PLCXD3: variants seen among roughly 807,000 people sequenced by gnomAD.
The protein encoded by PLCXD3 is PI-PLC X domain-containing protein 3.
Under a neutral mutation model 25.5 loss-of-function variants are expected in PLCXD3, and 19 were observed. The ratio of observed to expected loss-of-function variants is 0.75; its 90% CI spans 0.52 to 1.09. The LOEUF is 1.09. Ranked by LOEUF, PLCXD3 falls within the 50% of genes least tolerant of loss-of-function variation. The pLI, the probability that PLCXD3 is intolerant of heterozygous loss-of-function variation, is 0.00. For synonymous variants in PLCXD3, 174 were observed against 137.6 expected (o/e 1.26, Z -1.85); for missense variants, 411 against 388.1 (o/e 1.06, Z -0.50).
At chr5:41,446,393 A>G (rs373813636) in intron 1 of PLCXD3, among the ~76,000 whole-genome samples, 1 of 152,014 alleles carries the variant, frequency 6.6e-6, no homozygotes, top group South Asian at 2.1e-4. Flanking sequence ...CATGGCTTCA[A>G]TCCAGCTGGC....
intron 1 of PLCXD3, among the ~76,000 whole-genome samples, chr5:41,495,982 G>C (rs1014137076): frequency 2.0e-5 from 3 of 151,866 alleles, no homozygotes; most frequent in African/African-American, 7.3e-5. Flanking sequence ...ATTAGTTCAG[G>C]ACAACAATAT....
At chr5:41,433,093 A>G (rs1747156375) in intron 1 of PLCXD3, among the ~76,000 whole-genome samples, 1 of 152,154 alleles carries the variant, frequency 6.6e-6, no homozygotes, top group South Asian at 2.1e-4. Context: ...TCTCCACCAC[A>G]TGGCAGAGGA....
intron 1 of PLCXD3, among the ~76,000 whole-genome samples, chr5:41,403,401 G>GTTTGTTTGTTT (rs1554047951): frequency 2.2e-4 from 4 of 18,412 alleles, no homozygotes; most frequent in Non-Finnish European, 5.6e-4. Flanking sequence ...CTTATTTGTT[G>GTTTGTTTGTTT]TTTTTTTTTT....
chr5:41,456,471 T>C (rs1305584438), intron 1 of PLCXD3: 3 of 707,802 alleles, frequency 4.2e-6, no homozygotes, highest in Non-Finnish European at 5.2e-6. Context: ...AAAATATTTA[T>C]AAGGATAAAT....
At chr5:41,455,983 G>A (rs1385223897) in intron 1 of PLCXD3, among the ~76,000 whole-genome samples, 3 of 151,874 alleles carry the variant, frequency 2.0e-5, no homozygotes, top group African/African-American at 4.8e-5. Context: ...AAAATACAAG[G>A]TGTTACTACT....
chr5:41,473,794 C>T (rs372849741), intron 1 of PLCXD3, among the ~76,000 whole-genome samples: 11 of 152,236 alleles, frequency 7.2e-5, no homozygotes, highest in Middle Eastern at 3.4e-3. Flanking sequence ...CATTTTCAAG[C>T]GTCCTCAGTA....
Position 41,313,765 on chromosome 5 carries a change from A to G in PLCXD3, c.818T>C (p.Leu273Pro). 8 of 1,578,704 alleles carry G rather than the reference A, an allele frequency of 5.1e-6. No homozygotes were observed. The highest frequency in any genetic ancestry group is 6.9e-6 in the Non-Finnish European group (8 of 1,164,782). The change falls in exon 3 of 3, where the codon CTT becomes CCT. Residue 273 changes from leucine (L) to proline (P), a missense_variant. Transcript: ENST00000377801. ...GCGGACCCACTGCATCATGGCAGGA[A>G]GAGCTCTGAGAAAGGAAACAAAAAG... ...GLRETITERALPAMMQWVRTQ... is the reference protein window; with the variant it reads ...GLRETITERAPPAMMQWVRTQ...
chr5:41,489,898 C>A (rs960335009), intron 1 of PLCXD3, among the ~76,000 whole-genome samples: 6 of 151,852 alleles, frequency 4.0e-5, no homozygotes, highest in Admixed American at 2.0e-4. Flanking sequence ...AATTTGACTT[C>A]CTCTTTTCCT....
At chr5:41,349,369 A>G (rs1744389224) in intron 2 of PLCXD3, among the ~76,000 whole-genome samples, 1 of 152,208 alleles carries the variant, frequency 6.6e-6, no homozygotes. Flanking sequence ...GCTCCTATGG[A>G]GGACTGCTAC....
chr5:41,347,600 A>G (rs1195714721), intron 2 of PLCXD3, among the ~76,000 whole-genome samples: 1 of 152,214 alleles, frequency 6.6e-6, no homozygotes, highest in African/African-American at 2.4e-5. Context: ...TGTAGATACT[A>G]GTTACCAACC....
chr5:41,461,853 G>T (rs1473952574), intron 1 of PLCXD3, among the ~76,000 whole-genome samples: 1 of 151,962 alleles, frequency 6.6e-6, no homozygotes. Context: ...ATTAGAAATT[G>T]AGTTGTGATA....
intron 1 of PLCXD3, among the ~76,000 whole-genome samples, chr5:41,417,011 G>A (rs1400232093): frequency 6.6e-6 from 1 of 152,080 alleles, no homozygotes; most frequent in Non-Finnish European, 1.5e-5. Flanking sequence ...AACAATGGTG[G>A]GGACATTTAA....
At position 41,460,218 on chromosome 5, in the gene PLCXD3, C is replaced by G. The variant is rs937077288; in HGVS notation, c.103+50206G>C. On this transcript the variant is annotated intron_variant, in intron 1 of 2. Transcript: ENST00000377801. ...AGGCAGGAAATGTTCATTCCTAGCACTCCAGTGTCTATCATATTGGTGACT... is the reference window on the plus strand; with the variant it reads ...AGGCAGGAAATGTTCATTCCTAGCAGTCCAGTGTCTATCATATTGGTGACT... 2.0e-5 allele frequency among the ~76,000 whole-genome samples: 3 copies of G among 151,886 alleles called. No homozygotes were observed. In the South Asian group the frequency reaches 6.2e-4, roughly 31 times the overall value.
chr5:41,326,215 T>C (rs1335202536), intron 2 of PLCXD3, among the ~76,000 whole-genome samples: 1 of 152,174 alleles, frequency 6.6e-6, no homozygotes, highest in African/African-American at 2.4e-5. Flanking sequence ...GTATTGTGCA[T>C]CAGTGGTGCT....
intron 2 of PLCXD3, among the ~76,000 whole-genome samples, chr5:41,352,173 A>G (rs1201874011): frequency 1.3e-5 from 2 of 152,204 alleles, no homozygotes; most frequent in African/African-American, 2.4e-5. Context: ...AGAAGACACC[A>G]TCATCTGACT....
chr5:41,487,784 A>G (rs956075405), intron 1 of PLCXD3, among the ~76,000 whole-genome samples: 1 of 152,046 alleles, frequency 6.6e-6, no homozygotes, highest in Non-Finnish European at 1.5e-5. Context: ...CCTGGAGGGT[A>G]TGAGGGCAAG....
intron 1 of PLCXD3, among the ~76,000 whole-genome samples, chr5:41,456,138 T>C (rs565418488): frequency 6.6e-6 from 1 of 151,830 alleles, no homozygotes; most frequent in South Asian, 2.1e-4. Flanking sequence ...TTAAATGAGA[T>C]AGTCAGAGTA....
chr5:41,499,969 A>G (rs1390226403), intron 1 of PLCXD3, among the ~76,000 whole-genome samples: 4 of 151,788 alleles, frequency 2.6e-5, no homozygotes, highest in Admixed American at 1.3e-4. Flanking sequence ...CTTATGACAT[A>G]TGTATGTAAA....
intron 1 of PLCXD3, among the ~76,000 whole-genome samples, chr5:41,459,367 A>C (rs1348666457): frequency 6.6e-6 from 1 of 151,880 alleles, no homozygotes; most frequent in Non-Finnish European, 1.5e-5. Context: ...CCTGCTTAAA[A>C]GCCCTTCAAT....
Sources: gnomAD v4.1 joint callset for allele counts (sites outside exome capture counted in the v4.1 genomes callset) on GRCh38, gnomAD v4.1.1 for gene constraint, MANE v1.5 for transcripts, NCBI Gene and HGNC (gene_info 2026-07-23, HGNC 2026-07-21) for gene names.